Variants in CRYBG1 observed in about 807,000 individuals in gnomAD.
The protein encoded by CRYBG1 is beta/gamma crystallin domain-containing protein 1.
A neutral mutation model predicts 189.2 loss-of-function variants in CRYBG1; 139 were observed. That is an observed-to-expected ratio of 0.73 (90% CI 0.64 to 0.85). The LOEUF is 0.85. Ranked by LOEUF, CRYBG1 falls within the 40% of genes least tolerant of loss-of-function variation. The probability of loss-of-function intolerance (pLI) is 0.00; values close to 1 mark genes in which losing one functional copy is unlikely to be tolerated. For synonymous variants in CRYBG1, 1,023 were observed against 1,017.1 expected, an observed-to-expected ratio of 1.01 and a Z score of -0.11; for missense variants, 2,611 against 2,675.8, an observed-to-expected ratio of 0.98 and a Z score of 0.53.
chr6:106,382,992 C>T (rs1770315466), intron 1 of CRYBG1, among the ~76,000 whole-genome samples: 1 of 152,146 alleles, frequency 6.6e-6, no homozygotes, highest in African/African-American at 2.4e-5. Flanking sequence ...AATGGGAAAT[C>T]CTGCAATTTT....
At chr6:106,460,546 T>C (rs1251499920) in intron 2 of CRYBG1, among the ~76,000 whole-genome samples, 1 of 151,758 alleles carries the variant, frequency 6.6e-6, no homozygotes, top group East Asian at 1.9e-4. Context: ...TGTGTGTTTA[T>C]GGGGGTGGGG....
In CRYBG1 at chr6:106,544,661, C is replaced by A. The variant is rs201683142; in HGVS notation, c.5130C>A (p.Tyr1710Ter). Residue 1710 changes from tyrosine (Y) to a stop codon, truncating the protein, a stop_gained, in exon 12 of 22, where the codon TAC becomes TAA. Transcript: ENST00000633556. LOFTEE classifies it high-confidence loss of function. ...EYRDWKAWGGYNGELQSLRPI... is the reference protein window; with the variant it reads ...EYRDWKAWGG ...GGGACTGGAAAGCCTGGGGAGGTTA[C>A]AATGGAGAGCTTCAGTCTTTACGAC... The A allele has an allele frequency of 5.0e-6, 8 of 1,614,024 alleles. No individual in the cohort carries two copies. The African/African-American group carries it at 9.3e-5, about 19-fold the overall frequency.
chr6:106,529,808 C>A (rs553752575), intron 7 of CRYBG1, among the ~76,000 whole-genome samples: 31 of 152,326 alleles, frequency 2.0e-4, no homozygotes, highest in Admixed American at 3.3e-4. Context: ...AGCCATTCTA[C>A]AGACTAGAGT....
At chr6:106,515,322 T>C (rs1773393128) in intron 3 of CRYBG1, among the ~76,000 whole-genome samples, 2 of 152,244 alleles carry the variant, frequency 1.3e-5, no homozygotes, top group African/African-American at 4.8e-5. Flanking sequence ...TTAATTGTAG[T>C]AACTCTTGGT....
In CRYBG1 at chr6:106,520,365, G is replaced by A; in HGVS notation, c.3157G>A (p.Ala1053Thr). The change falls in exon 4 of 22, where the codon GCT (alanine) becomes ACT (threonine). Residue 1053 changes from alanine (A) to threonine (T), a missense_variant. This residue lies in a region of CRYBG1 where 1,622 missense variants were observed against 1,735.0 expected (regional missense o/e 0.93). Coordinates refer to ENST00000633556, the MANE Select transcript of CRYBG1 (RefSeq NM_001371242.2). ...TCAGGGCAGCAGAACACCCCTGATG[G>A]CTGAATCCAGTCCCACCAACTCTCC... ...QSQGSRTPLM[A>T]ESSPTNSPSS... The A allele has an allele frequency of 6.2e-7, 1 of 1,614,074 alleles. No individual in the cohort carries two copies. Among genetic ancestry groups the A allele is most frequent in the East Asian group, 2.2e-5 (1 of 44,888 alleles).
intron 1 of CRYBG1, among the ~76,000 whole-genome samples, chr6:106,436,107 C>G (rs939391241): frequency 6.6e-6 from 1 of 152,046 alleles, no homozygotes; most frequent in Non-Finnish European, 1.5e-5. Flanking sequence ...CCTGAGGAAC[C>G]TATTAGGAGT....
At chr6:106,372,852 T>C (rs1247543359) in intron 1 of CRYBG1, among the ~76,000 whole-genome samples, 1 of 152,236 alleles carries the variant, frequency 6.6e-6, no homozygotes, top group Non-Finnish European at 1.5e-5. Flanking sequence ...TATTTCTACC[T>C]TCATATTTAT....
intron 19 of CRYBG1, 36 bp from the exon 20 acceptor site, chr6:106,561,306 T>G: frequency 6.2e-7 from 1 of 1,606,062 alleles, no homozygotes; most frequent in Non-Finnish European, 8.5e-7. Flanking sequence ...CAGCAGCACA[T>G]CTGGTATAAC....
In CRYBG1 at chr6:106,400,156, A is replaced by AAAAAG. The variant is rs764916473; in HGVS notation, c.173+39076_173+39077insAAAGA. Among the ~76,000 whole-genome samples, 145 of 143,916 alleles carry AAAAAG rather than the reference A, an allele frequency of 1.0e-3. 2 individuals carry two copies. Among genetic ancestry groups the AAAAAG allele is most frequent in the African/African-American group, 2.9e-3 (116 of 39,824 alleles). The allele number at this position is 143,916 out of a possible 152,430, so 94.4% of individuals were successfully genotyped here. A position where few individuals can be genotyped will look rare whatever the true frequency, so the allele number is the denominator to read the frequency against. On this transcript the variant is annotated intron_variant, in intron 1 of 21. Coordinates refer to ENST00000633556, the MANE Select transcript of CRYBG1 (RefSeq NM_001371242.2). Reference sequence around the variant, plus strand: ...CATCTCAAAAAAAAAAAAAAAAAAAAAGAGAGAGAGAAAAGGTCTCCCCAT... The same window carrying AAAAAG: ...CATCTCAAAAAAAAAAAAAAAAAAAAAAAAGAGAGAGAGAGAAAAGGTCTCCCCAT...
rs753462793 is a variant in CRYBG1 at position 106,512,475 on chromosome 6, C to T, written c.1358C>T (p.Ala453Val). ...RDDAVFDDEV[A>V]PNAASDNASA... ...GACGCGGTGTTCGACGACGAGGTGGCGCCAAACGCGGCCAGCGATAACGCC... is the reference window on the plus strand; with the variant it reads ...GACGCGGTGTTCGACGACGAGGTGGTGCCAAACGCGGCCAGCGATAACGCC... Residue 453 changes from alanine (A) to valine (V), a missense_variant, in exon 3 of 22, where the codon GCG (alanine) becomes GTG (valine). Transcript: ENST00000633556. The T allele has an allele frequency of 6.2e-7, 1 of 1,611,138 alleles. No individual in the cohort carries two copies. Among genetic ancestry groups the T allele is most frequent in the Non-Finnish European group, 8.5e-7 (1 of 1,179,094 alleles).
At chr6:106,477,665 G>A (rs1475800958) in intron 2 of CRYBG1, among the ~76,000 whole-genome samples, 3 of 152,110 alleles carry the variant, frequency 2.0e-5, no homozygotes, top group Non-Finnish European at 2.9e-5. Flanking sequence ...TGACCAAATA[G>A]CCAAAGAAGA....
Position 106,561,393 on chromosome 6 carries a change from A to G in CRYBG1, c.6031A>G (p.Thr2011Ala). ...CAAAGCAACAGGGTTATTCATGTCA[A>G]CCAATGGAAACTTAGAGGATCTGAA... ...RNKATGLFMS[T>A]NGNLEDLKLL... The change falls in exon 20 of 22, where the codon ACC becomes GCC. Residue 2011 changes from threonine to alanine, a missense_variant. This residue lies in a region of CRYBG1 where 1,622 missense variants were observed against 1,735.0 expected (regional missense o/e 0.93). Transcript: ENST00000633556. 6.2e-7 allele frequency: 1 copy of G among 1,614,146 alleles called. No homozygotes were observed. The highest frequency in any genetic ancestry group is 8.5e-7 in the Non-Finnish European group (1 of 1,180,012).
At chr6:106,543,136 G>A (rs914492651) in intron 10 of CRYBG1, among the ~76,000 whole-genome samples, 1 of 150,832 alleles carries the variant, frequency 6.6e-6, no homozygotes, top group East Asian at 2.0e-4. Flanking sequence ...GAGTTCAAGC[G>A]GTTCTGCCTC....
intron 2 of CRYBG1, among the ~76,000 whole-genome samples, chr6:106,500,235 C>T (rs910371415): frequency 6.6e-6 from 1 of 152,170 alleles, no homozygotes; most frequent in Admixed American, 6.5e-5. Context: ...GGAACCTCCA[C>T]ACTATTTTCC....
intron 2 of CRYBG1, among the ~76,000 whole-genome samples, chr6:106,470,792 T>C (rs1772218233): frequency 6.6e-6 from 1 of 152,136 alleles, no homozygotes; most frequent in Non-Finnish European, 1.5e-5. Flanking sequence ...ATGAAGCATC[T>C]TTAGAGTTGG....
intron 1 of CRYBG1, among the ~76,000 whole-genome samples, chr6:106,440,294 T>A (rs1473665767): frequency 6.6e-6 from 1 of 151,598 alleles, no homozygotes; most frequent in Non-Finnish European, 1.5e-5. Flanking sequence ...AGACAGAGTC[T>A]CTCTCTGTCA....
intron 1 of CRYBG1, among the ~76,000 whole-genome samples, chr6:106,450,526 A>G (rs972369889): frequency 5.9e-5 from 9 of 152,356 alleles, no homozygotes; most frequent in African/African-American, 2.2e-4. Context: ...TGGATCAGGT[A>G]TGATGCTCAA....
chr6:106,505,303 C>T (rs745869996), intron 2 of CRYBG1, among the ~76,000 whole-genome samples: 72 of 152,092 alleles, frequency 4.7e-4, no homozygotes, highest in Non-Finnish European at 9.7e-4. Flanking sequence ...ATCATGTTAG[C>T]CAGGATGGTC....
At chr6:106,523,729 G>A (rs1773663148) in intron 4 of CRYBG1, among the ~76,000 whole-genome samples, 1 of 147,688 alleles carries the variant, frequency 6.8e-6, no homozygotes, top group Admixed American at 6.7e-5. Context: ...GGCCCTTATG[G>A]CCTTTTTTTT....
Sources: allele counts gnomAD v4.1 joint callset (sites outside exome capture counted in the v4.1 genomes callset), GRCh38; gene constraint gnomAD v4.1.1; regional missense constraint gnomAD v4.1.1; transcripts MANE v1.5; gene names NCBI Gene and HGNC (gene_info 2026-07-23, HGNC 2026-07-21).